CDKN2A: variants seen among roughly 807,000 people sequenced by gnomAD.
The protein encoded by CDKN2A is cyclin-dependent kinase inhibitor 2A.
In CDKN2A, 3 loss-of-function variants were observed where a neutral mutation model predicts 11.1. That is an observed-to-expected ratio of 0.27 (90% confidence interval 0.12 to 0.70). CDKN2A has a LOEUF of 0.70. Ranked by LOEUF, CDKN2A falls within the 30% of genes least tolerant of loss-of-function variation. The probability of loss-of-function intolerance (pLI) is 0.77; values close to 1 mark genes in which losing one functional copy is unlikely to be tolerated. For synonymous variants in CDKN2A, 122 were observed against 108.1 expected, an observed-to-expected ratio of 1.13 and a Z score of -0.80; for missense variants, 265 against 233.6, an observed-to-expected ratio of 1.13 and a Z score of -0.88.
rs1284214497 is a variant in CDKN2A, at chr9:21,988,011, T to C, written c.-4+5871A>G. 6.6e-6 allele frequency among the ~76,000 whole-genome samples: 1 copy of C among 152,232 alleles called. No individual in the cohort carries two copies. The highest frequency in any genetic ancestry group is 1.5e-5 in the Non-Finnish European group (1 of 68,032). ...CCAGGTAATAATGCTGTTGTTAACC[T>C]TTGCCATACTTTTAAAATTTCTAGT... is the stretch of plus-strand genomic sequence containing the variant. On this transcript the variant is annotated intron_variant, in intron 2 of 3. Transcript: ENST00000494262. This position sits in a 1 kb window ranked among gnomAD's most constrained non-coding sequence, Gnocchi z 4.1.
chr9:21,973,230 A>G (rs1819862620), intron 1 of CDKN2A, among the ~76,000 whole-genome samples: 2 of 152,210 alleles, frequency 1.3e-5, no homozygotes, highest in African/African-American at 4.8e-5. Flanking sequence ...ATCCAAAGCA[A>G]AAAGAAAATG....
At chr9:21,971,288 C>T in intron 1 of CDKN2A, 80 bp from the exon 2 acceptor site, 2 of 1,540,258 alleles carry the variant, frequency 1.3e-6, no homozygotes, top group Non-Finnish European at 8.7e-7. Context: ...GCCCCCTCAC[C>T]GCCAAGCAGA....
intron 2 of CDKN2A, among the ~76,000 whole-genome samples, chr9:21,969,334 G>C (rs573836269): frequency 6.6e-6 from 1 of 152,178 alleles, no homozygotes; most frequent in Admixed American, 6.5e-5. Flanking sequence ...GCTGCAGTGA[G>C]CTGTGATCGC....
At chr9:21,987,279 C>T (rs1485187961) in intron 2 of CDKN2A, among the ~76,000 whole-genome samples, 1 of 151,798 alleles carries the variant, frequency 6.6e-6, no homozygotes, top group African/African-American at 2.4e-5. Flanking sequence ...CTTAGATAAG[C>T]ATAAGTTAAA....
At chr9:21,987,104 G>T (rs75811415) in intron 2 of CDKN2A, among the ~76,000 whole-genome samples, 248 of 151,974 alleles carry the variant, frequency 1.6e-3, no homozygotes, top group Non-Finnish European at 2.4e-3. Context: ...CATTTGAAAG[G>T]CATGATATTT....
chr9:21,992,000 C>G lies in CDKN2A; in HGVS notation c.-4+1882G>C, dbSNP rs1312564469. 2.0e-6 allele frequency: 2 copies of G among 984,346 alleles called. No homozygotes were observed. Among genetic ancestry groups the G allele is most frequent in the Non-Finnish European group, 2.4e-6 (2 of 829,076 alleles). The allele number at this position is 984,346 out of a possible 1,614,324, so 61.0% of individuals were successfully genotyped here. A position where few individuals can be genotyped will look rare whatever the true frequency, so the allele number is the denominator to read the frequency against. On this transcript the variant is annotated intron_variant, in intron 2 of 3. Transcript: ENST00000494262. The surrounding 1 kb of genome is among the most constrained non-coding windows in gnomAD (Gnocchi z 5.2). ...AAAATATGACTATTTTGTAAATGCA[C>G]CAAGGTAGAAGTAACAAATCAACTA...
At chr9:21,973,300 T>A (rs989755965) in intron 1 of CDKN2A, among the ~76,000 whole-genome samples, 1 of 152,212 alleles carries the variant, frequency 6.6e-6, no homozygotes, top group African/African-American at 2.4e-5. Context: ...ATCCATTTGA[T>A]AATATACTAA....
chr9:21,991,668 G>A lies in CDKN2A; in HGVS notation c.-4+2214C>T, dbSNP rs1006611618. 2.3e-5 allele frequency: 23 copies of A among 984,334 alleles called. No homozygotes were observed. Among genetic ancestry groups the A allele is most frequent in the Admixed American group, 1.2e-4 (2 of 16,268 alleles). 61.0% of individuals were successfully genotyped at this position (984,334 alleles called of 1,614,324 possible). On this transcript the variant is annotated intron_variant, in intron 2 of 3. Transcript: ENST00000494262. The surrounding 1 kb of genome is among the most constrained non-coding windows in gnomAD (Gnocchi z 5.2). Reference sequence around the variant, plus strand: ...TGGTAGTTGATAGTGATGAACTAACGTGGAATAATAGATCTGTAAACCATC... The same window carrying A: ...TGGTAGTTGATAGTGATGAACTAACATGGAATAATAGATCTGTAAACCATC...
chr9:21,991,764 A>C lies in CDKN2A; in HGVS notation c.-4+2118T>G, dbSNP rs1820436310. Reference sequence around the variant, plus strand: ...GACTTTCTAAAATTCAAGAGTACTCAAAGAAGTAAAATGAATATAAGTCTT... The same window carrying C: ...GACTTTCTAAAATTCAAGAGTACTCCAAGAAGTAAAATGAATATAAGTCTT... On this transcript the variant is annotated intron_variant, in intron 2 of 3. Transcript: ENST00000494262. The surrounding 1 kb of genome is among the most constrained non-coding windows in gnomAD (Gnocchi z 5.2). 7.1e-6 allele frequency: 7 copies of C among 985,268 alleles called. No homozygotes were observed. Among genetic ancestry groups the C allele is most frequent in the Non-Finnish European group, 8.4e-6 (7 of 829,776 alleles). The allele number at this position is 985,268 out of a possible 1,614,324, so 61.0% of individuals were successfully genotyped here.
At chr9:21,984,660 C>G (rs2131132414) in intron 2 of CDKN2A, among the ~76,000 whole-genome samples, 1 of 152,092 alleles carries the variant, frequency 6.6e-6, no homozygotes, top group African/African-American at 2.4e-5. Flanking sequence ...TCGGTTTTCA[C>G]TACTGGGAGT....
At position 21,971,217 on chromosome 9, in the gene CDKN2A, G is replaced by C. The variant is rs1428942269; in HGVS notation, c.151-9C>G. Reference sequence around the variant, plus strand: ...CTGCCCATCATCATGACCTGCCAGAGAGAACAGAATGGTCAGAGCCAGGGT... The same window carrying C: ...CTGCCCATCATCATGACCTGCCAGACAGAACAGAATGGTCAGAGCCAGGGT... On this transcript the variant is annotated splice_polypyrimidine_tract_variant and intron_variant, in intron 1 of 2. Transcript: ENST00000304494. 6.3e-7 allele frequency: 1 copy of C among 1,596,756 alleles called. No homozygotes were observed. The highest frequency in any genetic ancestry group is 8.5e-7 in the Non-Finnish European group (1 of 1,178,820).
chr9:21,977,566 A>G (rs1180775171), upstream of CDKN2A, among the ~76,000 whole-genome samples: 1 of 151,992 alleles, frequency 6.6e-6, no homozygotes, highest in Non-Finnish European at 1.5e-5. Context: ...GGGTTTCACT[A>G]TGTTGGCTAG....
chr9:21,994,503 C>G, intron 1 of CDKN2A: 1 of 1,418,282 alleles, frequency 7.1e-7, no homozygotes, highest in Non-Finnish European at 9.3e-7. Context: ...GCCCGCCCCC[C>G]ACCTTCACCC....
chr9:21,990,458 C>T (rs7036656), intron 2 of CDKN2A, among the ~76,000 whole-genome samples: 113,002 of 151,822 alleles, frequency 0.74, 42,129 homozygotes, highest in South Asian at 0.84. Flanking sequence ...CTGTGTAGGA[C>T]TGTTACCGTG....
intron 2 of CDKN2A, among the ~76,000 whole-genome samples, chr9:21,985,402 A>T (rs1197078184): frequency 2.0e-5 from 3 of 151,952 alleles, no homozygotes; most frequent in Non-Finnish European, 4.4e-5. Flanking sequence ...GAATGTCGTA[A>T]GGATGACAGT....
At chr9:21,993,219 C>G (rs928966181) in intron 2 of CDKN2A, among the ~76,000 whole-genome samples, 4 of 152,188 alleles carry the variant, frequency 2.6e-5, no homozygotes, top group Admixed American at 2.0e-4. Context: ...ACTTATTACA[C>G]AAGTTTTAAT....
intron 2 of CDKN2A, chr9:21,969,789 T>A (rs1819609503): frequency 1.0e-5 from 4 of 391,518 alleles, no homozygotes; most frequent in Non-Finnish European, 1.8e-5. Flanking sequence ...GGATGCTAGC[T>A]GTAACTGGAG....
At position 21,981,004 on chromosome 9, in the gene CDKN2A, G is replaced by A. The variant is rs1329843512; in HGVS notation, c.-3-9796C>T. ...TATATATACACGTATATATATATAC[G>A]TGTATATATATATATACGTGTATAT... On this transcript the variant is annotated intron_variant, in intron 2 of 3. Coordinates refer to the CDKN2A transcript ENST00000494262. 7.8e-4 allele frequency among the ~76,000 whole-genome samples: 3 copies of A among 3,848 alleles called. 1 individual carries two copies. The highest frequency in any genetic ancestry group is 1.0e-3 in the Non-Finnish European group (2 of 1,992). The allele number at this position is 3,848 out of a possible 152,430, so 2.5% of individuals were successfully genotyped here. A position where few individuals can be genotyped will look rare whatever the true frequency, so the allele number is the denominator to read the frequency against.
intron 2 of CDKN2A, among the ~76,000 whole-genome samples, chr9:21,982,434 A>G (rs904432669): frequency 3.7e-4 from 56 of 152,112 alleles, no homozygotes; most frequent in Non-Finnish European, 1.0e-4. Flanking sequence ...GAAATGAGGG[A>G]TCTTTGCAGC....
Sources: allele counts gnomAD v4.1 joint callset (sites outside exome capture counted in the v4.1 genomes callset), GRCh38; gene constraint gnomAD v4.1.1; non-coding constraint Gnocchi (gnomAD v3.1); transcripts MANE v1.5; gene names NCBI Gene and HGNC (gene_info 2026-07-23, HGNC 2026-07-21).